The following PPP2CB variants were observed in gnomAD, a reference collection of about 807,000 sequenced individuals.
The protein encoded by PPP2CB is protein phosphatase 2 catalytic subunit beta.
A neutral mutation model predicts 39.1 loss-of-function variants in PPP2CB; 18 were observed. That is an observed-to-expected ratio of 0.46 (90% CI 0.32 to 0.68). The LOEUF (loss-of-function observed/expected upper bound fraction) is 0.68, where lower values mean the gene tolerates loss of function less well. PPP2CB is among the 30% of genes least tolerant of loss of function. PPP2CB has a pLI of 0.04. For missense variants in PPP2CB, 226 were observed against 396.9 expected (o/e 0.57, Z 3.66); for synonymous variants, 129 against 133.8 (o/e 0.96, Z 0.25).
intron 2 of PPP2CB, among the ~76,000 whole-genome samples, chr8:30,798,993 C>T (rs1018383925): frequency 5.3e-5 from 8 of 152,100 alleles, no homozygotes; most frequent in African/African-American, 1.9e-4. Flanking sequence ...TGCTACCAAC[C>T]GCTGGCAGGC....
At chr8:30,791,974 ATG>A (rs1043355196) in intron 5 of PPP2CB, among the ~76,000 whole-genome samples, 2 of 88,408 alleles carry the variant, frequency 2.3e-5, no homozygotes, top group South Asian at 3.5e-4. Context: ...ACGTGTGTAT[ATG>A]TGTATATATA....
chr8:30,804,318 C>T (rs546663421), intron 1 of PPP2CB, among the ~76,000 whole-genome samples: 157 of 152,292 alleles, frequency 1.0e-3, no homozygotes, highest in African/African-American at 3.4e-3. Flanking sequence ...AAGAATTAAC[C>T]TCACCCGAGG....
At chr8:30,789,454 C>A (rs1037711893) in intron 6 of PPP2CB, among the ~76,000 whole-genome samples, 1 of 152,152 alleles carries the variant, frequency 6.6e-6, no homozygotes, top group Admixed American at 6.5e-5. Context: ...TAAAGCTCAC[C>A]CTAATGGCCA....
intron 5 of PPP2CB, among the ~76,000 whole-genome samples, chr8:30,792,619 CTT>C (rs770242496): frequency 2.3e-5 from 3 of 131,456 alleles, no homozygotes; most frequent in Non-Finnish European, 1.7e-5. Flanking sequence ...AACTTTTTGA[CTT>C]TTTTTTTTTT....
intron 1 of PPP2CB, among the ~76,000 whole-genome samples, chr8:30,801,191 G>A (rs1283082719): frequency 4.6e-5 from 7 of 151,346 alleles, no homozygotes; most frequent in Middle Eastern, 3.4e-3. Context: ...AGTTAACCCC[G>A]GGTGAGAGTG....
chr8:30,809,364 T>C (rs866860393), intron 1 of PPP2CB, among the ~76,000 whole-genome samples: 1 of 152,102 alleles, frequency 6.6e-6, no homozygotes, highest in Non-Finnish European at 1.5e-5. Context: ...ACACTTGTTA[T>C]GTATCAACAA....
At chr8:30,796,213 G>A (rs1458562772) in intron 3 of PPP2CB, among the ~76,000 whole-genome samples, 3 of 151,790 alleles carry the variant, frequency 2.0e-5, no homozygotes, top group Admixed American at 6.6e-5. Context: ...AATTAATCAC[G>A]GCAGTGTCCA....
intron 6 of PPP2CB, among the ~76,000 whole-genome samples, chr8:30,788,558 G>A (rs1210323980): frequency 1.3e-5 from 2 of 152,160 alleles, no homozygotes; most frequent in African/African-American, 4.8e-5. Flanking sequence ...CCATGTTAAT[G>A]ATTTCTAATT....
Position 30,797,758 on chromosome 8 carries a change from G to A in PPP2CB, c.313-4C>T. ...TAATGCGTTCTGGATAACGCACCTG[G>A]AAGAAAAGGAGTAAAACCCATAGTA... On this transcript the variant is annotated splice_region_variant and splice_polypyrimidine_tract_variant and intron_variant, in intron 2 of 6. Coordinates refer to ENST00000221138, the MANE Select transcript of PPP2CB (RefSeq NM_001009552.2). The A allele has an allele frequency of 6.2e-7, 1 of 1,611,458 alleles. No homozygotes were observed. The highest frequency in any genetic ancestry group is 8.5e-7 in the Non-Finnish European group (1 of 1,179,128).
chr8:30,794,181 A>G lies in PPP2CB; in HGVS notation c.576+11T>C. The G allele has an allele frequency of 3.1e-6, 5 of 1,612,066 alleles. No individual in the cohort carries two copies. The South Asian group carries it at 5.5e-5, about 18-fold the overall frequency. On this transcript the variant is annotated intron_variant, in intron 4 of 6. Transcript: ENST00000221138. ...CTTTTCCTTTCTTCTTCTTTTTTAA[A>G]TTAAGTTTACCTCATGTGGAACTTC...
intron 1 of PPP2CB, among the ~76,000 whole-genome samples, chr8:30,811,110 G>C (rs983266497): frequency 6.6e-6 from 1 of 152,168 alleles, no homozygotes; most frequent in Non-Finnish European, 1.5e-5. Context: ...AAGATGGAGA[G>C]ATCGAAATAA....
rs1169407826 is a variant in PPP2CB, at chr8:30,812,800, T to C, written c.-379A>G. The C allele has an allele frequency of 2.2e-5, 10 of 461,744 alleles. No homozygotes were observed. Among genetic ancestry groups the C allele is most frequent in the Admixed American group, 9.4e-5 (4 of 42,768 alleles). The allele number at this position is 461,744 out of a possible 1,614,324, so 28.6% of individuals were successfully genotyped here. On this transcript the variant is annotated 5_prime_UTR_variant, in exon 1 of 7. Transcript: ENST00000221138. ...CTCACGCCTACCGGCCTCTCCCGACTTGTCTTTCCCCTTCTCTCGCTCTTT... is the reference window on the plus strand; with the variant it reads ...CTCACGCCTACCGGCCTCTCCCGACCTGTCTTTCCCCTTCTCTCGCTCTTT...
intron 1 of PPP2CB, among the ~76,000 whole-genome samples, chr8:30,811,534 C>T (rs1393226412): frequency 6.0e-5 from 9 of 150,082 alleles, no homozygotes; most frequent in Admixed American, 5.3e-4. Flanking sequence ...TGCTGTCGCC[C>T]AGGCTGGAGT....
At chr8:30,800,631 C>T (rs1478665755) in intron 1 of PPP2CB, among the ~76,000 whole-genome samples, 7 of 152,068 alleles carry the variant, frequency 4.6e-5, no homozygotes, top group Admixed American at 6.5e-5. Flanking sequence ...TCGATCTGGC[C>T]TCTCTGCCTA....
At chr8:30,793,807 T>A in intron 5 of PPP2CB, 110 bp downstream of exon 5, 1 of 1,274,022 alleles carries the variant, frequency 7.8e-7, no homozygotes. Context: ...TTTCCTCTTT[T>A]CACCTAGGTA....
chr8:30,808,107 T>C (rs982735371), intron 1 of PPP2CB, among the ~76,000 whole-genome samples: 1 of 152,160 alleles, frequency 6.6e-6, no homozygotes, highest in African/African-American at 2.4e-5. Flanking sequence ...CTCCTTCAGC[T>C]TTCTTTTTTT....
intron 3 of PPP2CB, among the ~76,000 whole-genome samples, chr8:30,794,648 G>A (rs1806490200): frequency 6.6e-6 from 1 of 151,932 alleles, no homozygotes; most frequent in African/African-American, 2.4e-5. Context: ...ATGGAGAGCA[G>A]TAGCTATTCA....
intron 1 of PPP2CB, among the ~76,000 whole-genome samples, chr8:30,803,434 A>C (rs755098783): frequency 3.9e-5 from 6 of 152,008 alleles, no homozygotes; most frequent in Middle Eastern, 3.2e-3. Context: ...AGTCTCAGCT[A>C]CTCAGGAGAC....
intron 5 of PPP2CB, 180 bp downstream of exon 5, chr8:30,793,735 AAT>A: frequency 1.8e-6 from 1 of 557,586 alleles, no homozygotes; most frequent in Admixed American, 3.8e-5. Context: ...CAATTTCAAA[AAT>A]GAGTTATAAT....
Sources: gnomAD v4.1 joint callset for allele counts (sites outside exome capture counted in the v4.1 genomes callset) on GRCh38, gnomAD v4.1.1 for gene constraint, MANE v1.5 for transcripts, NCBI Gene and HGNC (gene_info 2026-07-23, HGNC 2026-07-21) for gene names.